CWC27: variants seen among roughly 807,000 people sequenced by gnomAD.
The protein encoded by CWC27 is spliceosome-associated protein CWC27 homolog.
In CWC27, 47 loss-of-function variants were observed where a neutral mutation model predicts 63.6. The observed-to-expected ratio is 0.74, with a 90% CI of 0.58 to 0.94. CWC27 has a LOEUF of 0.94. Among genes scored for constraint, CWC27 ranks in the 40% least tolerant of loss-of-function variants. The probability of loss-of-function intolerance (pLI) is 0.00; values close to 1 mark genes in which losing one functional copy is unlikely to be tolerated. For synonymous variants in CWC27, 175 were observed against 179.8 expected (o/e 0.97, Z 0.22); for missense variants, 495 against 554.3 (o/e 0.89, Z 1.07).
At chr5:64,908,927 T>C (rs1307945506) in intron 11 of CWC27, among the ~76,000 whole-genome samples, 3 of 152,224 alleles carry the variant, frequency 2.0e-5, no homozygotes, top group African/African-American at 7.2e-5. Flanking sequence ...CCTGTCCTTA[T>C]GATGTTAGCT....
At chr5:64,959,840 T>A (rs1450135115) in intron 11 of CWC27, among the ~76,000 whole-genome samples, 1 of 152,230 alleles carries the variant, frequency 6.6e-6, no homozygotes, top group Non-Finnish European at 1.5e-5. Flanking sequence ...ATTTAGCACA[T>A]ACTATATGCA....
At chr5:64,808,580 T>A (rs1017388578) in intron 10 of CWC27, 1 of 153,898 alleles carries the variant, frequency 6.5e-6, no homozygotes, top group Non-Finnish European at 1.4e-5. Flanking sequence ...CTCCTCTGGA[T>A]CTTGTAAGTA....
chr5:64,846,590 T>C (rs1745985456), intron 10 of CWC27, among the ~76,000 whole-genome samples: 1 of 151,744 alleles, frequency 6.6e-6, no homozygotes, highest in African/African-American at 2.4e-5. Context: ...AAAGCAAAAA[T>C]AGAAAGGATT....
chr5:64,967,376 C>T (rs1166640936), intron 11 of CWC27, among the ~76,000 whole-genome samples: 2 of 152,004 alleles, frequency 1.3e-5, no homozygotes, highest in African/African-American at 4.8e-5. Flanking sequence ...ACATTCAATG[C>T]AGCTACTGTC....
chr5:64,984,100 T>C (rs1201964886), intron 13 of CWC27, among the ~76,000 whole-genome samples: 76 of 152,220 alleles, frequency 5.0e-4, no homozygotes, highest in Non-Finnish European at 1.2e-4. Context: ...CCCAAAGTGC[T>C]GGGATTACAG....
chr5:64,944,174 T>G (rs776551325), intron 11 of CWC27, among the ~76,000 whole-genome samples: 2 of 151,934 alleles, frequency 1.3e-5, no homozygotes, highest in Non-Finnish European at 2.9e-5. Flanking sequence ...ATGCAGTAAT[T>G]TCTTCATTAA....
chr5:64,836,200 A>G (rs1406974670), intron 10 of CWC27, among the ~76,000 whole-genome samples: 2 of 151,856 alleles, frequency 1.3e-5, no homozygotes, highest in Admixed American at 1.3e-4. Flanking sequence ...TTTACAATTA[A>G]ATTTAAATAT....
At chr5:64,823,034 G>T (rs1192074328) in intron 10 of CWC27, among the ~76,000 whole-genome samples, 1 of 152,116 alleles carries the variant, frequency 6.6e-6, no homozygotes, top group East Asian at 1.9e-4. Flanking sequence ...GAATATTTAG[G>T]TTCTGATGCC....
chr5:64,976,627 G>A (rs1387318530), intron 12 of CWC27, among the ~76,000 whole-genome samples: 2 of 151,944 alleles, frequency 1.3e-5, no homozygotes, highest in Non-Finnish European at 2.9e-5. Context: ...AAAACTCCTA[G>A]GCTCAAGGGA....
chr5:64,974,152 C>T (rs1454713294), intron 12 of CWC27, among the ~76,000 whole-genome samples: 3 of 151,576 alleles, frequency 2.0e-5, no homozygotes, highest in East Asian at 1.9e-4. Flanking sequence ...GCATGAGGAT[C>T]GCTTGAGCCC....
intron 12 of CWC27, among the ~76,000 whole-genome samples, chr5:64,976,660 G>T (rs1749233049): frequency 6.6e-6 from 1 of 152,086 alleles, no homozygotes; most frequent in Non-Finnish European, 1.5e-5. Flanking sequence ...AGGCTTCATA[G>T]TAGCTGGGAC....
chr5:64,922,479 T>C (rs1748016616), intron 11 of CWC27, among the ~76,000 whole-genome samples: 1 of 152,176 alleles, frequency 6.6e-6, no homozygotes, highest in Non-Finnish European at 1.5e-5. Flanking sequence ...TATCCAGAAG[T>C]TCAGTTTGGT....
intron 11 of CWC27, among the ~76,000 whole-genome samples, chr5:64,928,607 C>G (rs1748167454): frequency 6.6e-6 from 1 of 151,968 alleles, no homozygotes; most frequent in South Asian, 2.1e-4. Flanking sequence ...CACACGTTTG[C>G]AGAAAAACCA....
At chr5:64,929,672 C>G (rs534583341) in intron 11 of CWC27, among the ~76,000 whole-genome samples, 1 of 152,066 alleles carries the variant, frequency 6.6e-6, no homozygotes, top group Non-Finnish European at 1.5e-5. Flanking sequence ...ATTTCACACC[C>G]AGTAGGATGA....
chr5:64,970,848 A>G (rs567493949), intron 11 of CWC27, among the ~76,000 whole-genome samples: 2 of 152,298 alleles, frequency 1.3e-5, no homozygotes, highest in African/African-American at 4.8e-5. Context: ...GCTAGATAAC[A>G]AAGAGACAAC....
intron 10 of CWC27, among the ~76,000 whole-genome samples, chr5:64,848,973 G>T (rs1561433914): frequency 6.6e-6 from 1 of 152,216 alleles, no homozygotes; most frequent in East Asian, 1.9e-4. Context: ...GATAGCACTA[G>T]AATTCCTTTC....
At chr5:64,910,895 C>T (rs900946153) in intron 11 of CWC27, among the ~76,000 whole-genome samples, 3 of 152,330 alleles carry the variant, frequency 2.0e-5, no homozygotes, top group African/African-American at 7.2e-5. Context: ...ATCCCCCTAC[C>T]CTTTGTGCTT....
intron 10 of CWC27, among the ~76,000 whole-genome samples, chr5:64,868,896 C>T (rs138439293): frequency 5.3e-4 from 81 of 152,046 alleles, no homozygotes; most frequent in African/African-American, 1.9e-3. Context: ...ATATACCCTT[C>T]CCTCTGTCAA....
At chr5:64,905,363 T>G (rs778484645) in intron 11 of CWC27, among the ~76,000 whole-genome samples, 21 of 152,112 alleles carry the variant, frequency 1.4e-4, no homozygotes, top group Non-Finnish European at 2.8e-4. Context: ...CTGCCCCACT[T>G]TTCTGGCTTC....
Sources: allele counts gnomAD v4.1 joint callset (sites outside exome capture counted in the v4.1 genomes callset), GRCh38; gene constraint gnomAD v4.1.1; transcripts MANE v1.5; gene names NCBI Gene and HGNC (gene_info 2026-07-23, HGNC 2026-07-21).